Variants in PCDHGA1 observed in about 807,000 individuals in gnomAD.
PCDHGA1 encodes the protein protocadherin gamma-A1.
A neutral mutation model predicts 58.0 loss-of-function variants in PCDHGA1; 32 were observed. The observed-to-expected ratio is 0.55, with a 90% confidence interval of 0.42 to 0.74. PCDHGA1 has a LOEUF of 0.74. Among genes scored for constraint, PCDHGA1 ranks in the 30% least tolerant of loss-of-function variants. The pLI is 0.00. For missense variants in PCDHGA1, 1,205 were observed against 1,182.3 expected (o/e 1.02, Z -0.28); for synonymous variants, 498 against 501.1 (o/e 0.99, Z 0.08).
rs1330463387 is a variant in PCDHGA1, at chr5:141,393,177, G to C, written c.2421+60072G>C. ...AGGAAAACTCTTTGGGGTAGAAATA[G>C]AAATAATTGATATTAACGATAATAA... On this transcript the variant is annotated intron_variant, in intron 1 of 3. Transcript: ENST00000517417. The C allele has an allele frequency of 1.2e-6, 2 of 1,613,174 alleles. No individual in the cohort carries two copies. Among genetic ancestry groups the C allele is most frequent in the Non-Finnish European group, 1.7e-6 (2 of 1,179,896 alleles).
chr5:141,365,416 C>G, intron 1 of PCDHGA1: 1 of 1,613,930 alleles, frequency 6.2e-7, no homozygotes, highest in Non-Finnish European at 8.5e-7. Context: ...ACTGTCTTCC[C>G]GGAACTGTAA....
At chr5:141,352,340 T>C (rs763704470) in intron 1 of PCDHGA1, 21 of 1,613,958 alleles carry the variant, frequency 1.3e-5, no homozygotes, top group Non-Finnish European at 1.7e-5. Context: ...GGCCTTGGCC[T>C]TGATCTCAGT....
chr5:141,394,850 G>C, intron 1 of PCDHGA1: 1 of 1,613,820 alleles, frequency 6.2e-7, no homozygotes, highest in Non-Finnish European at 8.5e-7. Flanking sequence ...GCAGTCTGAA[G>C]CCTTCGGTCG....
Position 141,394,682 on chromosome 5 carries a change from G to A in PCDHGA1, c.2421+61577G>A, listed in dbSNP as rs546310598. 6.3e-5 allele frequency: 102 copies of A among 1,611,492 alleles called. No individual in the cohort carries two copies. The South Asian group carries it at 1.0e-3, about 16-fold the overall frequency. ...GACTCTTCTCGGTGGGTCTGCACAC[G>A]GGCGAGGTGCGCACGGCGCGAGCCC... On this transcript the variant is annotated intron_variant, in intron 1 of 3. Coordinates refer to ENST00000517417, the MANE Select transcript of PCDHGA1 (RefSeq NM_018912.3).
intron 1 of PCDHGA1, chr5:141,339,665 G>A (rs1300643395): frequency 6.2e-7 from 1 of 1,614,200 alleles, no homozygotes; most frequent in South Asian, 1.1e-5. Flanking sequence ...CTGCGTGAAG[G>A]TCCTGGATGC....
intron 1 of PCDHGA1, chr5:141,361,394 T>A: frequency 1.2e-6 from 2 of 1,613,952 alleles, no homozygotes; most frequent in Non-Finnish European, 1.7e-6. Flanking sequence ...GAATACAATC[T>A]CACCATCACA....
intron 1 of PCDHGA1, chr5:141,364,974 T>C (rs755409808): frequency 1.9e-6 from 3 of 1,613,888 alleles, no homozygotes; most frequent in Admixed American, 1.7e-5. Flanking sequence ...CTCACAGCTT[T>C]AGATGGCGGA....
At chr5:141,409,747 C>A in intron 1 of PCDHGA1, 3 of 1,612,994 alleles carry the variant, frequency 1.9e-6, no homozygotes, top group South Asian at 1.1e-5. Flanking sequence ...GGGTGGTGTT[C>A]GCGCAGCGCG....
chr5:141,426,719 A>G (rs776136674), intron 1 of PCDHGA1: 2 of 446,424 alleles, frequency 4.5e-6, no homozygotes, highest in Non-Finnish European at 9.1e-6. Context: ...ATGAACTAGC[A>G]ATTCCAGGCA....
chr5:141,331,458 T>A lies in PCDHGA1; in HGVS notation c.774T>A (p.Gly258=), dbSNP rs1756358766. ...HINVPENVPL[G]TQLLMVNATD... ...ATGTCCCCGAAAACGTGCCGCTGGG[T>A]ACTCAGCTGCTCATGGTAAATGCCA... Residue 258 remains glycine, a synonymous_variant, in exon 1 of 4, where the codon GGT becomes GGA. Coordinates refer to ENST00000517417, the MANE Select transcript of PCDHGA1 (RefSeq NM_018912.3). 8 of 1,614,150 alleles carry A rather than the reference T, an allele frequency of 5.0e-6. No individual in the cohort carries two copies. The South Asian group carries it at 8.8e-5, about 18-fold the overall frequency.
intron 1 of PCDHGA1, chr5:141,355,193 G>A: frequency 6.3e-7 from 1 of 1,594,436 alleles, no homozygotes; most frequent in Non-Finnish European, 8.6e-7. Flanking sequence ...CTCCGCGGCG[G>A]GGTTGTAATG....
At chr5:141,447,400 A>G (rs904985523) in intron 1 of PCDHGA1, among the ~76,000 whole-genome samples, 1 of 152,090 alleles carries the variant, frequency 6.6e-6, no homozygotes, top group Non-Finnish European at 1.5e-5. Flanking sequence ...GGCCTCCCAA[A>G]GTGCTGGGAT....
At chr5:141,419,117 G>A (rs1362880648) in intron 1 of PCDHGA1, 2 of 1,613,836 alleles carry the variant, frequency 1.2e-6, no homozygotes, top group Non-Finnish European at 1.7e-6. Flanking sequence ...AGAGTACAAC[G>A]TCACCATCGC....
At chr5:141,409,358 A>G (rs757614552) in intron 1 of PCDHGA1, 2 of 1,613,900 alleles carry the variant, frequency 1.2e-6, no homozygotes, top group Non-Finnish European at 8.5e-7. Flanking sequence ...CAGGTGTAAT[A>G]TAGAAACAGA....
chr5:141,501,441 A>G (rs547792017), intron 2 of PCDHGA1, among the ~76,000 whole-genome samples: 1 of 151,898 alleles, frequency 6.6e-6, no homozygotes, highest in African/African-American at 2.4e-5. Context: ...CATTTCTTCC[A>G]TTTTTACTTT....
intron 1 of PCDHGA1, chr5:141,357,538 A>G: frequency 1.9e-6 from 3 of 1,614,228 alleles, no homozygotes; most frequent in Admixed American, 1.7e-5. Context: ...AGACACGCTC[A>G]TCAGCCGGGA....
At position 141,332,351 on chromosome 5, in the gene PCDHGA1, A is replaced by G; in HGVS notation, c.1667A>G (p.Asn556Ser). The change falls in exon 1 of 4, where the codon AAC becomes AGC. Residue 556 changes from asparagine (N) to serine (S), a missense_variant. Coordinates refer to ENST00000517417, the MANE Select transcript of PCDHGA1 (RefSeq NM_018912.3). The surrounding 1 kb of genome is among the most constrained non-coding windows in gnomAD (Gnocchi z 4.6). ...VSLSLFLLDQ[N>S]DNAPEILYPA... is the part of the protein sequence containing the mutation. ...CTCAGCCTATTCCTGCTGGACCAGA[A>G]CGACAACGCGCCCGAGATCCTGTAC... 1.9e-6 allele frequency: 3 copies of G among 1,614,144 alleles called. No individual in the cohort carries two copies. Among genetic ancestry groups the G allele is most frequent in the South Asian group, 1.1e-5 (1 of 91,082 alleles).
intron 1 of PCDHGA1, chr5:141,382,981 G>A (rs781148657): frequency 6.2e-7 from 1 of 1,612,324 alleles, no homozygotes; most frequent in Non-Finnish European, 8.5e-7. Flanking sequence ...GGAAGCCTGG[G>A]CAGGACGTAT....
chr5:141,344,765 G>T lies in PCDHGA1; in HGVS notation c.2421+11660G>T, dbSNP rs370785144. The T allele has an allele frequency of 1.2e-5, 19 of 1,613,984 alleles. No individual in the cohort carries two copies. In the African/African-American group the frequency reaches 2.1e-4, roughly 18 times the overall value. On this transcript the variant is annotated intron_variant, in intron 1 of 3. Coordinates refer to ENST00000517417, the MANE Select transcript of PCDHGA1 (RefSeq NM_018912.3). ...ATGACAACCCACCAATGTTTACTCA[G>T]CCTGAGTACCGTGTGAGTGTTTGGG...
Sources: allele counts gnomAD v4.1 joint callset (sites outside exome capture counted in the v4.1 genomes callset), GRCh38; gene constraint gnomAD v4.1.1; non-coding constraint Gnocchi (gnomAD v3.1); transcripts MANE v1.5; gene names NCBI Gene and HGNC (gene_info 2026-07-23, HGNC 2026-07-21).